Variants in PPP3CC observed in about 807,000 individuals in gnomAD.
PPP3CC encodes the protein serine/threonine-protein phosphatase 2B catalytic subunit gamma isoform.
In PPP3CC, 35 loss-of-function variants were observed where a neutral mutation model predicts 60.3. That is an observed-to-expected ratio of 0.58 (90% CI 0.44 to 0.77). PPP3CC has a LOEUF of 0.77. Among genes scored for constraint, PPP3CC ranks in the 30% least tolerant of loss-of-function variants. The pLI is 0.00. For missense variants in PPP3CC, 570 were observed against 628.9 expected, an observed-to-expected ratio of 0.91 and a Z score of 1.00; for synonymous variants, 206 against 224.3, an observed-to-expected ratio of 0.92 and a Z score of 0.73.
At chr8:22,461,130 C>T (rs1837351176) in intron 1 of PPP3CC, among the ~76,000 whole-genome samples, 1 of 152,198 alleles carries the variant, frequency 6.6e-6, no homozygotes, top group Non-Finnish European at 1.5e-5. Context: ...AGGCGTGAGC[C>T]ACCGCACCCA....
intron 12 of PPP3CC, among the ~76,000 whole-genome samples, chr8:22,538,412 T>C (rs143264259): frequency 6.6e-6 from 1 of 152,388 alleles, no homozygotes; most frequent in African/African-American, 2.4e-5. Context: ...CTGCCTATGG[T>C]TGACAAATGA....
intron 4 of PPP3CC, among the ~76,000 whole-genome samples, chr8:22,506,651 C>T (rs1262546124): frequency 6.6e-6 from 1 of 151,724 alleles, no homozygotes; most frequent in Non-Finnish European, 1.5e-5. Flanking sequence ...AAAATTTGAG[C>T]TATGTTGGGG....
chr8:22,457,765 T>G (rs183028202), intron 1 of PPP3CC, among the ~76,000 whole-genome samples: 1 of 152,382 alleles, frequency 6.6e-6, no homozygotes, highest in Admixed American at 6.5e-5. Flanking sequence ...AACTAGAGCA[T>G]ATGATTCTTC....
chr8:22,527,416 A>G lies in PPP3CC; in HGVS notation c.968A>G (p.Asn323Ser), dbSNP rs772823111. ...NKAAVLKYEN[N>S]VMNIRQFNCS... ...GCTGCTGTGTTGAAATATGAAAACA[A>G]TGTCATGAATATCAGGCAGTTTAAC... Residue 323 changes from asparagine (N) to serine (S), a missense_variant, in exon 9 of 14, where the codon AAT (asparagine) becomes AGT (serine). Transcript: ENST00000240139. 5.6e-6 allele frequency: 9 copies of G among 1,613,820 alleles called. No homozygotes were observed. The highest frequency in any genetic ancestry group is 4.5e-5 in the East Asian group (2 of 44,868).
At chr8:22,473,312 A>G (rs1837786623) in intron 1 of PPP3CC, among the ~76,000 whole-genome samples, 1 of 152,190 alleles carries the variant, frequency 6.6e-6, no homozygotes, top group South Asian at 2.1e-4. Flanking sequence ...TGTGTTATAA[A>G]GTAGGCACAT....
chr8:22,511,396 C>T (rs535496842), intron 5 of PPP3CC, among the ~76,000 whole-genome samples, 165 bp downstream of exon 5: 2 of 152,096 alleles, frequency 1.3e-5, no homozygotes, highest in African/African-American at 4.8e-5. Flanking sequence ...TTCAGCCTCC[C>T]GAGTAGCTGG....
intron 4 of PPP3CC, among the ~76,000 whole-genome samples, chr8:22,505,096 G>A (rs966467703): frequency 2.1e-5 from 3 of 139,968 alleles, no homozygotes; most frequent in Non-Finnish European, 4.5e-5. Flanking sequence ...GCACAATCTC[G>A]GCTCACTGCA....
chr8:22,540,964 C>G lies in PPP3CC; in HGVS notation c.*162C>G. 1 of 583,514 alleles carries G rather than the reference C, an allele frequency of 1.7e-6. No homozygotes were observed. The highest frequency in any genetic ancestry group is 3.4e-5 in the East Asian group (1 of 29,588). 36.1% of individuals were successfully genotyped at this position (583,514 alleles called of 1,614,324 possible). The stretch of plus-strand genomic sequence containing the variant: ...TAAAAAGGTGGCTGTTTTATAAATT[C>G]TTTTAATTTATGTTCAATATATATA... On this transcript the variant is annotated 3_prime_UTR_variant, in exon 14 of 14. Coordinates refer to ENST00000240139, the MANE Select transcript of PPP3CC (RefSeq NM_005605.5).
chr8:22,475,231 G>T, intron 2 of PPP3CC, 80 bp downstream of exon 2: 1 of 1,328,706 alleles, frequency 7.5e-7, no homozygotes. Flanking sequence ...CAAATAACCA[G>T]CTAAAAAGTG....
chr8:22,537,871 G>A (rs1229162590), intron 12 of PPP3CC, among the ~76,000 whole-genome samples: 5 of 152,124 alleles, frequency 3.3e-5, no homozygotes. Flanking sequence ...AAGTAGATTC[G>A]TGTTCAACCA....
intron 3 of PPP3CC, among the ~76,000 whole-genome samples, chr8:22,476,036 CT>C (rs1198428583): frequency 6.6e-6 from 1 of 152,102 alleles, no homozygotes; most frequent in Non-Finnish European, 1.5e-5. Flanking sequence ...AAACACTAAG[CT>C]TTTTGTAGGA....
rs975003979 is a variant in PPP3CC at position 22,522,491 on chromosome 8, T to C, written c.771T>C (p.Ser257=). The C allele has an allele frequency of 6.3e-7, 1 of 1,599,426 alleles. No individual in the cohort carries two copies. The highest frequency in any genetic ancestry group is 1.3e-5 in the African/African-American group (1 of 74,156). ...TATGTTTTCTAATTTTCTTTTCCAG[T>C]TACCCTGCAGTTTGTGAATTTTTGC... ...NTVRGCSYFY[S]YPAVCEFLQN... The change falls in exon 7 of 14, where the codon AGT becomes AGC. Residue 257 remains serine, a splice_region_variant and synonymous_variant. Transcript: ENST00000240139.
intron 8 of PPP3CC, among the ~76,000 whole-genome samples, chr8:22,527,099 G>A (rs1839578974): frequency 6.6e-6 from 1 of 152,116 alleles, no homozygotes; most frequent in South Asian, 2.1e-4. Flanking sequence ...TTCCTCACGT[G>A]GATCTTGAGG....
intron 1 of PPP3CC, among the ~76,000 whole-genome samples, chr8:22,472,124 A>ATC (rs1356532346): frequency 6.6e-6 from 1 of 152,008 alleles, no homozygotes; most frequent in African/African-American, 2.4e-5. Context: ...GCGAGATCCT[A>ATC]TCTCAAAAAC....
intron 4 of PPP3CC, among the ~76,000 whole-genome samples, chr8:22,502,184 T>C (rs1838780454): frequency 6.6e-6 from 1 of 152,072 alleles, no homozygotes; most frequent in Non-Finnish European, 1.5e-5. Context: ...CATACAAAGA[T>C]GTAGGTCAAT....
rs1172618340 is a variant in PPP3CC at position 22,475,514 on chromosome 8, C to A, written c.262C>A (p.His88Asn). 6.2e-7 allele frequency: 1 copy of A among 1,609,670 alleles called. No homozygotes were observed. Among genetic ancestry groups the A allele is most frequent in the Admixed American group, 1.7e-5 (1 of 59,436 alleles). The change falls in exon 3 of 14, where the codon CAT (histidine) becomes AAT (asparagine). Residue 88 changes from histidine (H) to asparagine (N), a missense_variant. Transcript: ENST00000240139. ...DAPITVCGDI[H>N]GQFFDLMKLF... Reference sequence around the variant, plus strand: ...TTTTTTCCTAGTATGTGGTGATATTCATGGACAATTCTTTGACCTAATGAA... The same window carrying A: ...TTTTTTCCTAGTATGTGGTGATATTAATGGACAATTCTTTGACCTAATGAA...
chr8:22,502,416 T>C (rs990874522), intron 4 of PPP3CC, among the ~76,000 whole-genome samples: 3 of 152,188 alleles, frequency 2.0e-5, no homozygotes, highest in African/African-American at 7.2e-5. Context: ...CCGGGTGCAG[T>C]GGCTCATGCT....
rs187255120 is a variant in PPP3CC at position 22,480,478 on chromosome 8, A to T, written c.372+4854A>T. 9.2e-5 allele frequency among the ~76,000 whole-genome samples: 14 copies of T among 152,180 alleles called. No individual in the cohort carries two copies. In the East Asian group the frequency reaches 1.2e-3, roughly 13 times the overall value. On this transcript the variant is annotated intron_variant, in intron 3 of 13. Transcript: ENST00000240139. Reference sequence around the variant, plus strand: ...AACTGGAAAATCCCAAAGTTAATTTAATTTAATTTTATTTTTTTGAGACGG... The same window carrying T: ...AACTGGAAAATCCCAAAGTTAATTTTATTTAATTTTATTTTTTTGAGACGG...
chr8:22,485,589 A>C (rs1269124309), intron 3 of PPP3CC, among the ~76,000 whole-genome samples: 3 of 152,198 alleles, frequency 2.0e-5, no homozygotes, highest in Admixed American at 6.5e-5. Flanking sequence ...AGAGGTCCCC[A>C]GTGTGGCTAC....
Sources: allele counts gnomAD v4.1 joint callset (sites outside exome capture counted in the v4.1 genomes callset), GRCh38; gene constraint gnomAD v4.1.1; transcripts MANE v1.5; gene names NCBI Gene and HGNC (gene_info 2026-07-23, HGNC 2026-07-21).